CDH18: variants seen among roughly 807,000 people sequenced by gnomAD.
The protein encoded by CDH18 is cadherin-18.
Under a neutral mutation model 67.9 loss-of-function variants are expected in CDH18, and 31 were observed. The ratio of observed to expected loss-of-function variants is 0.46; its 90% CI spans 0.34 to 0.62. The LOEUF is 0.62. CDH18 is among the 20% of genes least tolerant of loss of function. The probability of loss-of-function intolerance (pLI) is 0.01; values close to 1 mark genes in which losing one functional copy is unlikely to be tolerated. For missense variants in CDH18, 890 were observed against 975.5 expected, an observed-to-expected ratio of 0.91 and a Z score of 1.17; for synonymous variants, 362 against 347.2, an observed-to-expected ratio of 1.04 and a Z score of -0.48.
intron 2 of CDH18, among the ~76,000 whole-genome samples, chr5:20,091,789 AT>A (rs1332411459): frequency 1.3e-5 from 2 of 152,090 alleles, no homozygotes; most frequent in Non-Finnish European, 2.9e-5. Context: ...AATAGTTTAA[AT>A]TAAAAAAAAA....
chr5:19,949,526 T>C (rs938494391), intron 2 of CDH18, among the ~76,000 whole-genome samples: 1 of 152,100 alleles, frequency 6.6e-6, no homozygotes, highest in Non-Finnish European at 1.5e-5. Context: ...CTAAAAAGAA[T>C]GTAAGCAAGA....
chr5:19,473,030 C>CTTTT lies in CDH18; in HGVS notation c.*192_*195dup. ...AACAATAACTTTTTCTTTGTATTGT[C>CTTTT]TTTTTTTTTTTTTTTTTACTTTCTT... On this transcript the variant is annotated 3_prime_UTR_variant, in exon 13 of 13. Coordinates refer to ENST00000382275, the MANE Select transcript of CDH18 (RefSeq NM_004934.5). 1 of 405,498 alleles carries CTTTT rather than the reference C, an allele frequency of 2.5e-6. No individual in the cohort carries two copies. Among genetic ancestry groups the CTTTT allele is most frequent in the Non-Finnish European group, 4.3e-6 (1 of 231,666 alleles). 25.1% of individuals were successfully genotyped at this position (405,498 alleles called of 1,614,324 possible).
At chr5:20,025,830 C>A (rs1738848760) in intron 2 of CDH18, among the ~76,000 whole-genome samples, 1 of 152,128 alleles carries the variant, frequency 6.6e-6, no homozygotes, top group Admixed American at 6.5e-5. Context: ...AGCTAGTCAC[C>A]CAGCAAATTC....
In CDH18 at chr5:19,820,981, T is replaced by C. The variant is rs142945918; in HGVS notation, c.228+17778A>G. Among the ~76,000 whole-genome samples the C allele has an allele frequency of 9.2e-5, 14 of 151,978 alleles. No homozygotes were observed. The East Asian group carries it at 2.3e-3, about 25-fold the overall frequency. On this transcript the variant is annotated intron_variant, in intron 3 of 12. Transcript: ENST00000382275. ...CGCAATAACAGAAACTTCAAAAAAA[T>C]AATGAAACGTTACTCATCTCAGATG...
intron 2 of CDH18, among the ~76,000 whole-genome samples, chr5:20,240,174 A>G (rs1004137247): frequency 5.9e-5 from 9 of 152,058 alleles, no homozygotes; most frequent in Admixed American, 5.9e-4. Context: ...AAAAAAAAAG[A>G]ATAATATGAT....
At chr5:20,293,210 G>T (rs772234256) in intron 1 of CDH18, among the ~76,000 whole-genome samples, 4 of 152,052 alleles carry the variant, frequency 2.6e-5, no homozygotes, top group Non-Finnish European at 5.9e-5. Context: ...TCAGCTTCTT[G>T]GGAGGCTGAG....
rs1737641417 is a variant in CDH18, at chr5:19,471,424, G to A, written c.*1802C>T. 6.6e-6 allele frequency among the ~76,000 whole-genome samples: 1 copy of A among 152,082 alleles called. No homozygotes were observed. ...TGATAGCACAGGGCAATTGCAAACA[G>A]AGGTAAAATCCAAAATTTTGCACAT... On this transcript the variant is annotated 3_prime_UTR_variant, in exon 13 of 13. Coordinates refer to ENST00000382275, the MANE Select transcript of CDH18 (RefSeq NM_004934.5).
At chr5:20,549,075 G>T (rs904397688) in intron 1 of CDH18, among the ~76,000 whole-genome samples, 3 of 152,068 alleles carry the variant, frequency 2.0e-5, no homozygotes, top group Admixed American at 6.6e-5. Flanking sequence ...CTGTGATAAT[G>T]GTGGCAATTT....
At chr5:20,227,363 C>A (rs934354719) in intron 2 of CDH18, among the ~76,000 whole-genome samples, 2 of 152,084 alleles carry the variant, frequency 1.3e-5, no homozygotes, top group Non-Finnish European at 2.9e-5. Context: ...TATTTCCACA[C>A]TCCACAAACG....
chr5:20,005,417 C>T (rs1396275792), intron 2 of CDH18, among the ~76,000 whole-genome samples: 5 of 29,650 alleles, frequency 1.7e-4, no homozygotes, highest in African/African-American at 1.4e-3. Flanking sequence ...TATATATGTA[C>T]ACACACACAC....
At chr5:20,238,018 G>T (rs1442883551) in intron 2 of CDH18, among the ~76,000 whole-genome samples, 3 of 151,966 alleles carry the variant, frequency 2.0e-5, no homozygotes, top group African/African-American at 7.2e-5. Flanking sequence ...ATGGGAAATT[G>T]ATTTTTGACA....
chr5:19,915,612 A>G (rs901466507), intron 2 of CDH18, among the ~76,000 whole-genome samples: 2 of 152,162 alleles, frequency 1.3e-5, no homozygotes, highest in Non-Finnish European at 2.9e-5. Flanking sequence ...TTGAAAGAAA[A>G]TGTTATTGAG....
At chr5:19,675,251 T>A (rs1202199565) in intron 5 of CDH18, among the ~76,000 whole-genome samples, 5 of 145,490 alleles carry the variant, frequency 3.4e-5, no homozygotes, top group Non-Finnish European at 6.1e-5. Context: ...AAATTGCTAA[T>A]GAAGTTTTGG....
chr5:20,122,090 T>C (rs952380749), intron 2 of CDH18, among the ~76,000 whole-genome samples: 2 of 152,048 alleles, frequency 1.3e-5, no homozygotes, highest in Admixed American at 6.6e-5. Context: ...AAAGCAAAAG[T>C]GAAAAGGGTA....
intron 7 of CDH18, among the ~76,000 whole-genome samples, chr5:19,587,356 T>A (rs537803472): frequency 6.6e-6 from 1 of 152,346 alleles, no homozygotes; most frequent in South Asian, 2.1e-4. Flanking sequence ...CGTCATGATA[T>A]CTTTGCCTGT....
intron 2 of CDH18, among the ~76,000 whole-genome samples, chr5:20,167,518 A>G (rs1164823345): frequency 1.3e-5 from 2 of 152,098 alleles, no homozygotes; most frequent in African/African-American, 4.8e-5. Flanking sequence ...AGAAAAATAA[A>G]TAAAAGAGAA....
At chr5:19,496,605 G>C (rs1742366878) in intron 11 of CDH18, among the ~76,000 whole-genome samples, 1 of 152,102 alleles carries the variant, frequency 6.6e-6, no homozygotes, top group South Asian at 2.1e-4. Context: ...TTGAGGTCAA[G>C]AGTTCAAGAC....
chr5:19,883,684 G>A (rs924761634), intron 2 of CDH18, among the ~76,000 whole-genome samples: 11 of 152,136 alleles, frequency 7.2e-5, no homozygotes, highest in South Asian at 4.1e-4. Context: ...AAAATGCCAA[G>A]TGAATTGGAT....
intron 6 of CDH18, among the ~76,000 whole-genome samples, chr5:19,592,852 C>A (rs545648415): frequency 6.6e-6 from 1 of 152,138 alleles, no homozygotes; most frequent in African/African-American, 2.4e-5. Flanking sequence ...CTGGTAACAA[C>A]CACTCCATTC....
Sources: gnomAD v4.1 joint callset for allele counts (sites outside exome capture counted in the v4.1 genomes callset) on GRCh38, gnomAD v4.1.1 for gene constraint, MANE v1.5 for transcripts, NCBI Gene and HGNC (gene_info 2026-07-23, HGNC 2026-07-21) for gene names.